The following CP variants were observed in gnomAD, a reference collection of about 807,000 sequenced individuals.
CP encodes ceruloplasmin, also known as caeruloplasmin.
A neutral mutation model predicts 122.4 loss-of-function variants in CP; 64 were observed. The ratio of observed to expected loss-of-function variants is 0.52; its 90% CI spans 0.43 to 0.64. The LOEUF (loss-of-function observed/expected upper bound fraction) is 0.64, where lower values mean the gene tolerates loss of function less well. CP is among the 30% of genes least tolerant of loss of function. The probability of loss-of-function intolerance (pLI) is 0.00; values close to 1 mark genes in which losing one functional copy is unlikely to be tolerated. For missense variants in CP, 1,167 were observed against 1,284.4 expected (o/e 0.91, Z 1.40); for synonymous variants, 440 against 436.4 (o/e 1.01, Z -0.10).
downstream of CP, among the ~76,000 whole-genome samples, chr3:149,170,132 T>C (rs1216060397): frequency 2.0e-5 from 3 of 152,222 alleles, no homozygotes; most frequent in Non-Finnish European, 4.4e-5. Context: ...AGAGAAGTTA[T>C]ACATGAAAGT....
chr3:149,190,026 AAAT>A (rs1476620102), intron 9 of CP, among the ~76,000 whole-genome samples: 1 of 152,188 alleles, frequency 6.6e-6, no homozygotes, highest in African/African-American at 2.4e-5. Context: ...TCTTAAGACT[AAAT>A]AAAAATAAAT....
At chr3:149,198,851 G>A (rs1727094763) in intron 8 of CP, among the ~76,000 whole-genome samples, 1 of 152,156 alleles carries the variant, frequency 6.6e-6, no homozygotes, top group Non-Finnish European at 1.5e-5. Context: ...TGTATTGCGT[G>A]TATTTCTCTC....
intron 9 of CP, among the ~76,000 whole-genome samples, chr3:149,190,265 G>T (rs1338662106): frequency 6.6e-6 from 1 of 152,146 alleles, no homozygotes; most frequent in African/African-American, 2.4e-5. Context: ...ATATAGGGGA[G>T]AAAAATGTAA....
At chr3:149,199,576 T>C (rs1206132587) in intron 8 of CP, 136 bp downstream of exon 8, 10 of 1,067,460 alleles carry the variant, frequency 9.4e-6, no homozygotes, top group Non-Finnish European at 1.4e-5. Context: ...ATTTGTTTCC[T>C]GGCATGATGC....
chr3:149,169,169 C>T (rs1001373823), downstream of CP, among the ~76,000 whole-genome samples: 8 of 152,058 alleles, frequency 5.3e-5, no homozygotes, highest in East Asian at 5.8e-4. Context: ...TCCTCACCAG[C>T]AATATGCCTC....
At chr3:149,207,674 A>C in intron 4 of CP, 57 bp from the exon 5 acceptor site, 2 of 1,571,284 alleles carry the variant, frequency 1.3e-6, no homozygotes, top group Non-Finnish European at 1.8e-6. Flanking sequence ...AGATAGTGAG[A>C]GTTACCTCTA....
intron 8 of CP, among the ~76,000 whole-genome samples, chr3:149,199,209 C>A (rs35238123): frequency 0.014 from 2,083 of 152,070 alleles, 48 homozygotes; most frequent in African/African-American, 0.046. Flanking sequence ...GCTAAGAGAA[C>A]AAACTCCGAT....
downstream of CP, among the ~76,000 whole-genome samples, chr3:149,171,698 C>CTTTTTTTTT (rs1170000443): frequency 8.5e-6 from 1 of 118,254 alleles, no homozygotes; most frequent in African/African-American, 3.2e-5. Context: ...GAACTGGCTT[C>CTTTTTTTTT]TTTTTTTTTT....
At chr3:149,208,395 C>T (rs567445183) in intron 4 of CP, among the ~76,000 whole-genome samples, 1 of 152,196 alleles carries the variant, frequency 6.6e-6, no homozygotes, top group South Asian at 2.1e-4. Flanking sequence ...TTTGTTAGTA[C>T]ACAACAGAGA....
chr3:149,216,592 C>T (rs780179491), intron 1 of CP, among the ~76,000 whole-genome samples: 33 of 152,248 alleles, frequency 2.2e-4, no homozygotes, highest in Non-Finnish European at 4.4e-4. Context: ...GGAAATGCTG[C>T]CTACCATAAA....
At chr3:149,210,623 T>C (rs990599348) in intron 2 of CP, among the ~76,000 whole-genome samples, 3 of 152,186 alleles carry the variant, frequency 2.0e-5, no homozygotes, top group African/African-American at 7.2e-5. Flanking sequence ...TAATGACTTT[T>C]TGTTTGCAAT....
chr3:149,209,080 C>A, intron 4 of CP, 131 bp downstream of exon 4: 1 of 1,175,394 alleles, frequency 8.5e-7, no homozygotes, highest in Non-Finnish European at 1.2e-6. Flanking sequence ...TCAAATTGCA[C>A]ATCCAATATG....
chr3:149,171,185 G>T (rs1576715895), downstream of CP, among the ~76,000 whole-genome samples: 1 of 152,126 alleles, frequency 6.6e-6, no homozygotes, highest in Admixed American at 6.5e-5. Flanking sequence ...GGCTGAGGCA[G>T]GAGAATCTCT....
At chr3:149,193,354 C>T (rs1279621414) in intron 9 of CP, among the ~76,000 whole-genome samples, 2 of 151,920 alleles carry the variant, frequency 1.3e-5, no homozygotes, top group Non-Finnish European at 2.9e-5. Flanking sequence ...AAATGTTTGA[C>T]AGTAGGGAAC....
chr3:149,209,716 C>G (rs35727759), intron 3 of CP, among the ~76,000 whole-genome samples: 5,725 of 152,166 alleles, frequency 0.038, 152 homozygotes, highest in Middle Eastern at 0.062. Flanking sequence ...TTACAGGTAA[C>G]GATTGTTCAA....
Position 149,183,388 on chromosome 3 carries a change from A to G in CP, c.2425+78T>C, listed in dbSNP as rs770288894. 35 of 1,481,718 alleles carry G rather than the reference A, an allele frequency of 2.4e-5. No homozygotes were observed. In the Admixed American group the frequency reaches 5.1e-4, roughly 22 times the overall value. The allele number at this position is 1,481,718 out of a possible 1,614,324, so 91.8% of individuals were successfully genotyped here. ...TATATGAACCAAGAAAATGAAACCC[A>G]TAGACATGAATTGACGGTTACTGCA... On this transcript the variant is annotated intron_variant, in intron 13 of 18. Coordinates refer to ENST00000264613, the MANE Select transcript of CP (RefSeq NM_000096.4).
rs1172807561 is a variant in CP, at chr3:149,209,390, G to A, written c.608-6C>T. Reference sequence around the variant, plus strand: ...TTTTTCTTTATCTAGAGAATCTGGAGTTAAAGTTACTATTTTAGCAAGACT... The same window carrying A: ...TTTTTCTTTATCTAGAGAATCTGGAATTAAAGTTACTATTTTAGCAAGACT... On this transcript the variant is annotated splice_region_variant and splice_polypyrimidine_tract_variant and intron_variant, in intron 3 of 18. Coordinates refer to ENST00000264613, the MANE Select transcript of CP (RefSeq NM_000096.4). The A allele has an allele frequency of 1.9e-6, 3 of 1,612,120 alleles. No homozygotes were observed. Among genetic ancestry groups the A allele is most frequent in the Non-Finnish European group, 2.5e-6 (3 of 1,178,652 alleles).
Position 149,182,259 on chromosome 3 carries a change from C to T in CP, c.2426-126G>A, listed in dbSNP as rs16861598. Reference sequence around the variant, plus strand: ...GTGGTATAATACTCTTGGATTTATACTGCGTCCCAGGGAATTTGGAATCAA... The same window carrying T: ...GTGGTATAATACTCTTGGATTTATATTGCGTCCCAGGGAATTTGGAATCAA... On this transcript the variant is annotated intron_variant, in intron 13 of 18. Coordinates refer to ENST00000264613, the MANE Select transcript of CP (RefSeq NM_000096.4). 0.038 allele frequency: 39,743 copies of T among 1,049,508 alleles called. 5,872 individuals are homozygous for T. In the African/African-American group the frequency reaches 0.42, roughly 11 times the overall value. 65.0% of individuals were successfully genotyped at this position (1,049,508 alleles called of 1,614,324 possible). A position where few individuals can be genotyped will look rare whatever the true frequency, so the allele number is the denominator to read the frequency against.
intron 7 of CP, among the ~76,000 whole-genome samples, chr3:149,201,027 A>G (rs938593909): frequency 2.6e-5 from 4 of 152,054 alleles, no homozygotes; most frequent in Admixed American, 1.3e-4. Context: ...TGCCTTGGCG[A>G]GAACAGGTCT....
Sources: allele counts gnomAD v4.1 joint callset (sites outside exome capture counted in the v4.1 genomes callset), GRCh38; gene constraint gnomAD v4.1.1; transcripts MANE v1.5; gene names NCBI Gene and HGNC (gene_info 2026-07-23, HGNC 2026-07-21).